The following DAAM2 variants were observed in gnomAD, a reference collection of about 807,000 sequenced individuals.
DAAM2 encodes the protein disheveled-associated activator of morphogenesis 2.
Under a neutral mutation model 120.7 loss-of-function variants are expected in DAAM2, and 39 were observed. The observed-to-expected ratio is 0.32, with a 90% CI of 0.25 to 0.42. The LOEUF (loss-of-function observed/expected upper bound fraction) is 0.42, where lower values mean the gene tolerates loss of function less well. DAAM2 is among the 10% of genes least tolerant of loss of function. The pLI, the probability that DAAM2 is intolerant of heterozygous loss-of-function variation, is 1.00. For missense variants in DAAM2, 1,283 were observed against 1,401.7 expected (o/e 0.92, Z 1.35); for synonymous variants, 488 against 524.9 (o/e 0.93, Z 0.96).
At chr6:39,812,582 C>T (rs1231946055) in intron 1 of DAAM2, among the ~76,000 whole-genome samples, 1 of 150,928 alleles carries the variant, frequency 6.6e-6, no homozygotes, top group African/African-American at 2.4e-5. Flanking sequence ...CACTCAGTAT[C>T]CCCCGCCTCC....
chr6:39,888,826 C>T, intron 17 of DAAM2, 63 bp downstream of exon 17: 1 of 1,321,372 alleles, frequency 7.6e-7, no homozygotes, highest in Non-Finnish European at 1.1e-6. Flanking sequence ...CCCTTCCCAA[C>T]AGCCCCCAGG....
intron 14 of DAAM2, 179 bp downstream of exon 14, chr6:39,879,656 C>A: frequency 1.3e-6 from 1 of 742,692 alleles, no homozygotes; most frequent in South Asian, 1.5e-5. Context: ...ACGGTCAGAA[C>A]ACCTACCCTG....
chr6:39,799,712 T>G (rs954876540), intron 1 of DAAM2, among the ~76,000 whole-genome samples: 4 of 152,234 alleles, frequency 2.6e-5, no homozygotes, highest in African/African-American at 9.7e-5. Flanking sequence ...AAAAAATATA[T>G]TCTTCATTTG....
chr6:39,885,678 T>A (rs1157346079), intron 15 of DAAM2: 1 of 152,086 alleles, frequency 6.6e-6, no homozygotes, highest in Non-Finnish European at 1.5e-5. Context: ...CTCCCCTCAC[T>A]CAGTGGGCCG....
intron 10 of DAAM2, among the ~76,000 whole-genome samples, chr6:39,874,958 T>A (rs1018140987): frequency 3.3e-5 from 5 of 152,232 alleles, no homozygotes; most frequent in African/African-American, 1.2e-4. Context: ...GAGACTTCAT[T>A]ATTCAGCATG....
chr6:39,851,080 T>C (rs1763790991), intron 1 of DAAM2, among the ~76,000 whole-genome samples: 1 of 152,192 alleles, frequency 6.6e-6, no homozygotes, highest in Admixed American at 6.5e-5. Context: ...AACCACCTTA[T>C]AAGGTCATTG....
rs1764364764 is a variant in DAAM2 at position 39,864,967 on chromosome 6, T to G, written c.334-13T>G. The stretch of plus-strand genomic sequence containing the variant: ...GGGAGACAGGCAGCCCCTTTCTACC[T>G]GCTGGCCCTCAGATGCAGAGTCTGT... On this transcript the variant is annotated splice_polypyrimidine_tract_variant and intron_variant, in intron 4 of 24. Coordinates refer to ENST00000274867, the MANE Select transcript of DAAM2 (RefSeq NM_001201427.2). 1 of 1,592,628 alleles carries G rather than the reference T, an allele frequency of 6.3e-7. No individual in the cohort carries two copies. The highest frequency in any genetic ancestry group is 1.1e-5 in the South Asian group (1 of 87,018).
intron 22 of DAAM2, 123 bp from the exon 23 acceptor site, chr6:39,899,954 G>A: frequency 9.1e-7 from 1 of 1,097,846 alleles, no homozygotes; most frequent in Non-Finnish European, 1.3e-6. Context: ...ACTTTGAGAT[G>A]CAGGGTGTTC....
At chr6:39,880,822 C>T (rs2149333860) in intron 14 of DAAM2, among the ~76,000 whole-genome samples, 2 of 152,278 alleles carry the variant, frequency 1.3e-5, no homozygotes, top group East Asian at 3.9e-4. Context: ...TAGCAGCATT[C>T]AAAGCAAGAT....
At chr6:39,871,258 G>A (rs1297016525) in intron 8 of DAAM2, among the ~76,000 whole-genome samples, 3 of 152,232 alleles carry the variant, frequency 2.0e-5, no homozygotes, top group Non-Finnish European at 4.4e-5. Flanking sequence ...CAGTAGTGCC[G>A]AAGTATAGAA....
chr6:39,873,657 C>T (rs1057145732), intron 10 of DAAM2, among the ~76,000 whole-genome samples: 5 of 152,194 alleles, frequency 3.3e-5, no homozygotes, highest in South Asian at 2.1e-4. Flanking sequence ...CAGCTCATGA[C>T]GGGGGAGAGA....
chr6:39,890,626 TG>T (rs1765653979), intron 17 of DAAM2, among the ~76,000 whole-genome samples: 1 of 152,202 alleles, frequency 6.6e-6, no homozygotes, highest in Non-Finnish European at 1.5e-5. Context: ...ATAACTTTCC[TG>T]GGGGATGGAA....
intron 1 of DAAM2, chr6:39,820,933 G>A (rs902828547): frequency 7.9e-5 from 12 of 152,248 alleles, no homozygotes; most frequent in African/African-American, 2.9e-4. Context: ...CCCTCTGGGT[G>A]AGTTCAGCCC....
intron 1 of DAAM2, among the ~76,000 whole-genome samples, chr6:39,845,515 C>A (rs557394853): frequency 6.9e-6 from 1 of 145,806 alleles, no homozygotes; most frequent in South Asian, 2.3e-4. Flanking sequence ...AGTACACATA[C>A]CACACATATG....
rs994485133 is a variant in DAAM2, at chr6:39,794,346, G to A, written c.-57+1881G>A. The stretch of plus-strand genomic sequence containing the variant: ...ATCTAACCCCCATTTCTTCCTTTAT[G>A]CAAACAACTGTGCTATTATTGTCTT... On this transcript the variant is annotated intron_variant, in intron 1 of 24. Coordinates refer to ENST00000274867, the MANE Select transcript of DAAM2 (RefSeq NM_001201427.2). 2.6e-4 allele frequency among the ~76,000 whole-genome samples: 40 copies of A among 152,134 alleles called. 1 individual carries two copies. The highest frequency in any genetic ancestry group is 2.2e-3 in the Admixed American group (33 of 15,274).
chr6:39,866,782 C>CA (rs1335774831), intron 5 of DAAM2, among the ~76,000 whole-genome samples: 1 of 152,134 alleles, frequency 6.6e-6, no homozygotes, highest in East Asian at 1.9e-4. Flanking sequence ...ATACCTGGTA[C>CA]AACTGTAATT....
chr6:39,802,502 G>A (rs1253528050), intron 1 of DAAM2, among the ~76,000 whole-genome samples: 1 of 152,196 alleles, frequency 6.6e-6, no homozygotes, highest in Non-Finnish European at 1.5e-5. Context: ...TAAGCACTAA[G>A]AAATGTTAGT....
At chr6:39,829,211 GCGGGCTGTGTGTTCCACA>G (rs1562009295) in intron 1 of DAAM2, among the ~76,000 whole-genome samples, 1 of 152,238 alleles carries the variant, frequency 6.6e-6, no homozygotes, top group Non-Finnish European at 1.5e-5. Flanking sequence ...GGCCTGGGGA[GCGGGCTGTGTGTTCCACA>G]CAGGGTGTGT....
chr6:39,900,298 G>A lies in DAAM2; in HGVS notation c.2811+90G>A, dbSNP rs74989114. The A allele has an allele frequency of 1.1e-3, 1,535 of 1,457,338 alleles. 14 individuals are homozygous for A. In the East Asian group the frequency reaches 0.023, roughly 22 times the overall value. 90.3% of individuals were successfully genotyped at this position (1,457,338 alleles called of 1,614,324 possible). ...TTCCTACCACAGACAGCCCAGGAGG[G>A]ACAAACCCAGAGTTACAGAGCTTTG... On this transcript the variant is annotated intron_variant, in intron 23 of 24. Coordinates refer to ENST00000274867, the MANE Select transcript of DAAM2 (RefSeq NM_001201427.2).
Sources: allele counts gnomAD v4.1 joint callset (sites outside exome capture counted in the v4.1 genomes callset), GRCh38; gene constraint gnomAD v4.1.1; transcripts MANE v1.5; gene names NCBI Gene and HGNC (gene_info 2026-07-23, HGNC 2026-07-21).